CACNA2D3: variants seen among roughly 807,000 people sequenced by gnomAD.
The protein encoded by CACNA2D3 is voltage-dependent calcium channel subunit alpha-2/delta-3.
CACNA2D3 carries 60 observed loss-of-function variants against 160.6 expected under a neutral mutation model. The observed-to-expected ratio is 0.37, with a 90% CI of 0.30 to 0.46. The LOEUF is 0.46. Among genes scored for constraint, CACNA2D3 ranks in the 20% least tolerant of loss-of-function variants. The probability of loss-of-function intolerance (pLI) is 1.00; values close to 1 mark genes in which losing one functional copy is unlikely to be tolerated. For synonymous variants in CACNA2D3, 558 were observed against 492.9 expected (o/e 1.13, Z -1.75); for missense variants, 1,205 against 1,365.0 (o/e 0.88, Z 1.85).
intron 9 of CACNA2D3, among the ~76,000 whole-genome samples, chr3:54,599,748 T>C (rs1006717560): frequency 1.3e-5 from 2 of 152,198 alleles, no homozygotes; most frequent in African/African-American, 4.8e-5. Flanking sequence ...AACTGTTGCT[T>C]TTGCTAAACC....
chr3:54,145,550 G>A (rs1700010966), intron 2 of CACNA2D3, among the ~76,000 whole-genome samples: 1 of 152,212 alleles, frequency 6.6e-6, no homozygotes, highest in South Asian at 2.1e-4. Flanking sequence ...CTGAATGACA[G>A]GCTTGTTATA....
intron 11 of CACNA2D3, among the ~76,000 whole-genome samples, chr3:54,680,760 T>C (rs1163187141): frequency 6.6e-6 from 1 of 152,158 alleles, no homozygotes; most frequent in Non-Finnish European, 1.5e-5. Flanking sequence ...ATTTAAGACC[T>C]TTGGATGCTT....
intron 4 of CACNA2D3, among the ~76,000 whole-genome samples, chr3:54,465,760 A>G (rs1041801457): frequency 6.6e-6 from 1 of 152,248 alleles, no homozygotes. Flanking sequence ...ATTGTTGCAT[A>G]ACTCGTTAAC....
At chr3:54,451,730 C>G (rs776699076) in intron 4 of CACNA2D3, among the ~76,000 whole-genome samples, 1 of 152,308 alleles carries the variant, frequency 6.6e-6, no homozygotes, top group East Asian at 1.9e-4. Flanking sequence ...TCACTTTCCT[C>G]TCACATATCA....
At chr3:54,996,212 C>T (rs898892358) in intron 31 of CACNA2D3, among the ~76,000 whole-genome samples, 3 of 152,240 alleles carry the variant, frequency 2.0e-5, no homozygotes, top group Non-Finnish European at 4.4e-5. Flanking sequence ...AGCCCAAGGA[C>T]GCTTCCCCAG....
At chr3:54,950,795 G>A (rs1229391004) in intron 27 of CACNA2D3, among the ~76,000 whole-genome samples, 5 of 152,124 alleles carry the variant, frequency 3.3e-5, no homozygotes, top group Admixed American at 3.3e-4. Context: ...CAAAATAAAC[G>A]GGAAGGGACG....
chr3:54,320,815 C>T (rs1321375309), intron 3 of CACNA2D3, among the ~76,000 whole-genome samples: 1 of 152,182 alleles, frequency 6.6e-6, no homozygotes, highest in Non-Finnish European at 1.5e-5. Flanking sequence ...ATTGTACAGC[C>T]ATACAACGTG....
chr3:54,706,580 G>A (rs1700861165), intron 11 of CACNA2D3, among the ~76,000 whole-genome samples: 1 of 152,170 alleles, frequency 6.6e-6, no homozygotes, highest in Non-Finnish European at 1.5e-5. Flanking sequence ...ATTGAGACCA[G>A]CTGTCCTTGA....
intron 11 of CACNA2D3, among the ~76,000 whole-genome samples, chr3:54,681,063 C>A (rs1700336903): frequency 1.3e-5 from 2 of 151,882 alleles, no homozygotes; most frequent in Non-Finnish European, 1.5e-5. Flanking sequence ...TCCCTAAAAT[C>A]TGATGGCTAT....
At chr3:54,712,923 T>G (rs549694513) in intron 11 of CACNA2D3, among the ~76,000 whole-genome samples, 3 of 152,322 alleles carry the variant, frequency 2.0e-5, no homozygotes, top group Admixed American at 1.3e-4. Context: ...TAATTCCATC[T>G]GCAACCTTAA....
At chr3:54,222,050 G>T (rs1701584201) in intron 2 of CACNA2D3, among the ~76,000 whole-genome samples, 1 of 152,094 alleles carries the variant, frequency 6.6e-6, no homozygotes, top group Non-Finnish European at 1.5e-5. Context: ...TGAACCCACG[G>T]ATGCAGAACT....
chr3:54,932,174 G>T (rs1001586382), intron 27 of CACNA2D3, among the ~76,000 whole-genome samples: 1 of 152,022 alleles, frequency 6.6e-6, no homozygotes, highest in African/African-American at 2.4e-5. Context: ...GTGAGACCCT[G>T]TCTCAAAAAA....
intron 4 of CACNA2D3, among the ~76,000 whole-genome samples, chr3:54,412,855 A>G (rs1699692305): frequency 6.6e-6 from 1 of 151,492 alleles, no homozygotes; most frequent in Admixed American, 6.6e-5. Flanking sequence ...TATCTTTTAT[A>G]TATGTTATAA....
In CACNA2D3 at chr3:55,031,744, G is replaced by A. The variant is rs1703694726; in HGVS notation, c.2987+13427G>A. ...GAAGCTTAACCGGCTAATGACAAAG[G>A]TTCTTAGTGCATCTGAAAGAAAATG... On this transcript the variant is annotated intron_variant, in intron 35 of 37. Coordinates refer to ENST00000474759, the MANE Select transcript of CACNA2D3 (RefSeq NM_018398.3). 4.6e-5 allele frequency among the ~76,000 whole-genome samples: 7 copies of A among 152,252 alleles called. No individual in the cohort carries two copies. The South Asian group carries it at 1.5e-3, about 32-fold the overall frequency.
intron 2 of CACNA2D3, among the ~76,000 whole-genome samples, chr3:54,279,161 G>A (rs1381481349): frequency 6.6e-6 from 1 of 152,208 alleles, no homozygotes; most frequent in Non-Finnish European, 1.5e-5. Context: ...GAGATTGGCT[G>A]TGTCTCTTTG....
At chr3:54,508,818 C>G (rs1701412425) in intron 5 of CACNA2D3, among the ~76,000 whole-genome samples, 1 of 152,140 alleles carries the variant, frequency 6.6e-6, no homozygotes, top group African/African-American at 2.4e-5. Flanking sequence ...CAGGGTCCAG[C>G]CCCTGAAAAT....
intron 14 of CACNA2D3, among the ~76,000 whole-genome samples, chr3:54,822,822 TC>T (rs1703663379): frequency 1.8e-5 from 2 of 110,916 alleles, no homozygotes; most frequent in African/African-American, 8.6e-5. Flanking sequence ...TTTCTTTCTT[TC>T]TTTCTTTCTT....
intron 4 of CACNA2D3, among the ~76,000 whole-genome samples, chr3:54,478,585 T>C (rs1322116428): frequency 7.1e-6 from 1 of 139,952 alleles, no homozygotes; most frequent in Non-Finnish European, 1.6e-5. Flanking sequence ...TGAGCCAAGA[T>C]TGCACCACTG....
intron 34 of CACNA2D3, among the ~76,000 whole-genome samples, chr3:55,010,428 G>A (rs763731213): frequency 6.6e-5 from 10 of 152,164 alleles, no homozygotes; most frequent in African/African-American, 1.2e-4. Context: ...AAGAGTATCC[G>A]TAATTATAAT....
Sources: gnomAD v4.1 joint callset for allele counts (sites outside exome capture counted in the v4.1 genomes callset) on GRCh38, gnomAD v4.1.1 for gene constraint, MANE v1.5 for transcripts, NCBI Gene and HGNC (gene_info 2026-07-23, HGNC 2026-07-21) for gene names.